Variants in SOX5 observed in about 807,000 individuals in gnomAD.
SOX5 encodes SRY-box transcription factor 5, also known as transcription factor SOX-5.
SOX5 carries 9 observed loss-of-function variants against 92.0 expected under a neutral mutation model. The observed-to-expected ratio is 0.10, with a 90% CI of 0.06 to 0.17. SOX5 has a LOEUF of 0.17. Among genes scored for constraint, SOX5 ranks in the 10% least tolerant of loss-of-function variants. The pLI is 1.00. For missense variants in SOX5, 642 were observed against 944.5 expected (o/e 0.68, Z 4.20); for synonymous variants, 344 against 336.3 (o/e 1.02, Z -0.25).
chr12:23,993,032 A>C (rs1950706950), intron 4 of SOX5, among the ~76,000 whole-genome samples: 1 of 152,160 alleles, frequency 6.6e-6, no homozygotes, highest in African/African-American at 2.4e-5. Flanking sequence ...AATTAACTCT[A>C]CTCAGAAGAT....
chr12:23,964,715 C>A (rs74234902), intron 4 of SOX5, among the ~76,000 whole-genome samples: 16,426 of 152,202 alleles, frequency 0.11, 1,062 homozygotes, highest in East Asian at 0.2. Flanking sequence ...ATTTTCCAAG[C>A]ATCTAAAATC....
At chr12:24,242,625 A>C (rs546128919) in intron 3 of SOX5, among the ~76,000 whole-genome samples, 1 of 152,240 alleles carries the variant, frequency 6.6e-6, no homozygotes, top group African/African-American at 2.4e-5. Flanking sequence ...AAAGAAATGC[A>C]AATGAAAACT....
chr12:24,285,198 A>T (rs1367166402), intron 2 of SOX5, among the ~76,000 whole-genome samples: 1 of 152,062 alleles, frequency 6.6e-6, no homozygotes, highest in Non-Finnish European at 1.5e-5. Context: ...CCCTGAGCAT[A>T]CAGATTGCTA....
chr12:23,558,953 A>G (rs1055617417), intron 11 of SOX5, among the ~76,000 whole-genome samples: 6 of 152,232 alleles, frequency 3.9e-5, no homozygotes, highest in Non-Finnish European at 7.3e-5. Context: ...ACATGTAGCG[A>G]AACTCGTTCC....
In SOX5 at chr12:24,330,587, A is replaced by G. The variant is rs186126158; in HGVS notation, c.-174+37976T>C. ...CTGTATTAGCTTCACTAGAGAGCCT[A>G]TTTCCAAATTCTCTATCTACCAGGC... is the stretch of plus-strand genomic sequence containing the variant. On this transcript the variant is annotated intron_variant, in intron 2 of 4. Transcript: ENST00000446891. Among the ~76,000 whole-genome samples the G allele has an allele frequency of 7.9e-5, 12 of 152,312 alleles. No individual in the cohort carries two copies. The East Asian group carries it at 1.5e-3, about 20-fold the overall frequency.
intron 1 of SOX5, among the ~76,000 whole-genome samples, chr12:24,477,711 G>T (rs963526240): frequency 6.6e-6 from 1 of 152,024 alleles, no homozygotes; most frequent in Non-Finnish European, 1.5e-5. Context: ...GATGAATATT[G>T]TTGTCTCTTT....
At chr12:24,302,548 T>C (rs1948097504) in intron 2 of SOX5, among the ~76,000 whole-genome samples, 1 of 151,394 alleles carries the variant, frequency 6.6e-6, no homozygotes, top group African/African-American at 2.5e-5. Context: ...GATGGATCTA[T>C]GAGTTTTGAT....
At chr12:23,884,058 T>C (rs1726554823) in intron 2 of SOX5, among the ~76,000 whole-genome samples, 1 of 152,142 alleles carries the variant, frequency 6.6e-6, no homozygotes, top group African/African-American at 2.4e-5. Flanking sequence ...AACATACTCC[T>C]AGATCACAGA....
intron 4 of SOX5, among the ~76,000 whole-genome samples, chr12:24,055,082 C>G (rs1467298843): frequency 6.6e-6 from 1 of 152,062 alleles, no homozygotes. Context: ...AAAAAGATAG[C>G]TTTTATTTTC....
intron 1 of SOX5, among the ~76,000 whole-genome samples, chr12:23,945,010 A>G (rs1944308911): frequency 6.6e-6 from 1 of 152,136 alleles, no homozygotes; most frequent in African/African-American, 2.4e-5. Flanking sequence ...TTATTTAACT[A>G]ATCTATAAAA....
chr12:23,998,822 A>T (rs1445258800), intron 4 of SOX5, among the ~76,000 whole-genome samples: 4 of 151,124 alleles, frequency 2.6e-5, no homozygotes, highest in Non-Finnish European at 5.9e-5. Flanking sequence ...AAAAAAAAAA[A>T]AAAGGGGGGG....
At chr12:23,910,112 T>A (rs1249639494) in intron 1 of SOX5, among the ~76,000 whole-genome samples, 1 of 152,124 alleles carries the variant, frequency 6.6e-6, no homozygotes, top group African/African-American at 2.4e-5. Flanking sequence ...TACTAAAATA[T>A]TATCAACAAC....
At chr12:23,577,940 T>A (rs1300597793) in intron 9 of SOX5, among the ~76,000 whole-genome samples, 1 of 151,296 alleles carries the variant, frequency 6.6e-6, no homozygotes, top group Non-Finnish European at 1.5e-5. Flanking sequence ...GCCAACACGG[T>A]GAAACTTTGT....
intron 7 of SOX5, among the ~76,000 whole-genome samples, chr12:23,647,969 C>G (rs774468862): frequency 1.3e-5 from 2 of 152,204 alleles, no homozygotes; most frequent in Non-Finnish European, 2.9e-5. Flanking sequence ...ACTTGTCTGT[C>G]TCGTGCAAGA....
intron 2 of SOX5, among the ~76,000 whole-genome samples, chr12:24,318,555 T>C (rs1949923312): frequency 6.6e-6 from 1 of 152,218 alleles, no homozygotes; most frequent in Non-Finnish European, 1.5e-5. Flanking sequence ...GCCTTTGTTA[T>C]TCTGGCTTAT....
At chr12:23,824,522 A>C (rs1360886606) in intron 3 of SOX5, among the ~76,000 whole-genome samples, 1 of 152,046 alleles carries the variant, frequency 6.6e-6, no homozygotes, top group Non-Finnish European at 1.5e-5. Flanking sequence ...AGCCAGCCGG[A>C]TCTCTCCTGT....
chr12:24,134,184 T>A (rs1206267889), intron 4 of SOX5, among the ~76,000 whole-genome samples: 1 of 152,142 alleles, frequency 6.6e-6, no homozygotes, highest in Admixed American at 6.6e-5. Context: ...AGCTGTGGTA[T>A]CCATTTAAAG....
At position 23,801,412 on chromosome 12, in the gene SOX5, G is replaced by A. The variant is rs535781331; in HGVS notation, c.481+44571C>T. Among the ~76,000 whole-genome samples the A allele has an allele frequency of 2.0e-5, 3 of 152,212 alleles. No individual in the cohort carries two copies. In the South Asian group the frequency reaches 6.2e-4, roughly 32 times the overall value. On this transcript the variant is annotated intron_variant, in intron 3 of 14. Coordinates refer to ENST00000451604, the MANE Select transcript of SOX5 (RefSeq NM_006940.6). ...AGTTTTTTAAAGGTGGCAATCAAAA[G>A]ATGGTAATAACTGAACCACAGTGAA... is the stretch of plus-strand genomic sequence containing the variant.
At chr12:23,650,765 T>C (rs1476673303) in intron 7 of SOX5, among the ~76,000 whole-genome samples, 2 of 152,132 alleles carry the variant, frequency 1.3e-5, no homozygotes, top group African/African-American at 4.8e-5. Context: ...GTAGAGCTCA[T>C]ATCTTGAAGA....
Sources: gnomAD v4.1 joint callset for allele counts (sites outside exome capture counted in the v4.1 genomes callset) on GRCh38, gnomAD v4.1.1 for gene constraint, MANE v1.5 for transcripts, NCBI Gene and HGNC (gene_info 2026-07-23, HGNC 2026-07-21) for gene names.